The following ZFAND3 variants were observed in gnomAD, a reference collection of about 807,000 sequenced individuals.
ZFAND3 encodes the protein AN1-type zinc finger protein 3.
Under a neutral mutation model 29.6 loss-of-function variants are expected in ZFAND3, and 10 were observed. The ratio of observed to expected loss-of-function variants is 0.34; its 90% CI spans 0.21 to 0.57. The LOEUF (loss-of-function observed/expected upper bound fraction) is 0.57, where lower values mean the gene tolerates loss of function less well. ZFAND3 is among the 20% of genes least tolerant of loss of function. The probability of loss-of-function intolerance (pLI) is 0.86; values close to 1 mark genes in which losing one functional copy is unlikely to be tolerated. For missense variants in ZFAND3, 230 were observed against 304.5 expected, an observed-to-expected ratio of 0.76 and a Z score of 1.82; for synonymous variants, 128 against 112.6, an observed-to-expected ratio of 1.14 and a Z score of -0.87.
chr6:38,154,176 C>G lies in ZFAND3; in HGVS notation c.*1787C>G. On this transcript the variant is annotated 3_prime_UTR_variant, in exon 6 of 6. Transcript: ENST00000287218. Reference sequence around the variant, plus strand: ...CAAGCCACAGCCCTTGGCCACCATACGGGCCATCCTCAGTGAGGCAGCCCC... The same window carrying G: ...CAAGCCACAGCCCTTGGCCACCATAGGGGCCATCCTCAGTGAGGCAGCCCC... The G allele has an allele frequency of 1.0e-6, 1 of 985,636 alleles. No individual in the cohort carries two copies. Among genetic ancestry groups the G allele is most frequent in the Non-Finnish European group, 1.2e-6 (1 of 830,046 alleles). The allele number at this position is 985,636 out of a possible 1,614,324, so 61.1% of individuals were successfully genotyped here.
chr6:38,146,906 A>G (rs56050761), intron 5 of ZFAND3, among the ~76,000 whole-genome samples: 10,112 of 152,008 alleles, frequency 0.067, 458 homozygotes, highest in Middle Eastern at 0.11. Context: ...ATGGGAATGT[A>G]TGTATGTGAA....
chr6:37,974,400 CTCTTT>C (rs1438831653), intron 2 of ZFAND3, among the ~76,000 whole-genome samples: 23 of 99,774 alleles, frequency 2.3e-4, no homozygotes, highest in South Asian at 4.1e-4. Flanking sequence ...CTCTCTCTCT[CTCTTT>C]TTTTTTTTTT....
rs1554183989 is a variant in ZFAND3 at position 38,144,210 on chromosome 6, TA to T, written c.530-8023del. Among the ~76,000 whole-genome samples the T allele has an allele frequency of 8.4e-3, 310 of 36,920 alleles. 8 individuals carry two copies. The highest frequency in any genetic ancestry group is 0.035 in the East Asian group (84 of 2,376). The allele number at this position is 36,920 out of a possible 152,430, so 24.2% of individuals were successfully genotyped here. A position where few individuals can be genotyped will look rare whatever the true frequency, so the allele number is the denominator to read the frequency against. ...ATATATATATATATATATATATATATAATATATAATATATATATATATTTTT... is the reference window on the plus strand; with the variant it reads ...ATATATATATATATATATATATATATATATATAATATATATATATATTTTT... On this transcript the variant is annotated intron_variant, in intron 5 of 5. Transcript: ENST00000287218.
intron 1 of ZFAND3, among the ~76,000 whole-genome samples, chr6:37,820,300 G>A (rs1178464139): frequency 1.3e-5 from 2 of 152,186 alleles, no homozygotes; most frequent in African/African-American, 2.4e-5. Context: ...GGGGGGCAGG[G>A]CGGCGGGGAG....
At chr6:37,963,462 G>A (rs559596835) in intron 2 of ZFAND3, among the ~76,000 whole-genome samples, 1 of 152,098 alleles carries the variant, frequency 6.6e-6, no homozygotes, top group South Asian at 2.1e-4. Flanking sequence ...CCCAAAATTA[G>A]TAGAAGAAAA....
intron 2 of ZFAND3, among the ~76,000 whole-genome samples, chr6:38,030,057 TA>T (rs757904421): frequency 2.4e-4 from 5 of 20,902 alleles, no homozygotes; most frequent in East Asian, 6.9e-3. Flanking sequence ...GCTGGATATA[TA>T]TATATATATA....
intron 2 of ZFAND3, among the ~76,000 whole-genome samples, chr6:37,957,012 GA>G (rs766724068): frequency 1.3e-5 from 2 of 151,772 alleles, no homozygotes; most frequent in Non-Finnish European, 2.9e-5. Context: ...GGGATATTGT[GA>G]AAAAAAATGT....
intron 4 of ZFAND3, among the ~76,000 whole-genome samples, chr6:38,105,297 C>T (rs1765185825): frequency 1.3e-5 from 2 of 152,138 alleles, no homozygotes; most frequent in African/African-American, 2.4e-5. Flanking sequence ...ATCCCAGCTA[C>T]TCCAGAAGCT....
intron 2 of ZFAND3, among the ~76,000 whole-genome samples, chr6:37,991,229 A>G (rs1762753424): frequency 6.6e-6 from 1 of 151,806 alleles, no homozygotes; most frequent in African/African-American, 2.4e-5. Context: ...TTGGACAGGC[A>G]TTTTCCCTCT....
intron 2 of ZFAND3, among the ~76,000 whole-genome samples, chr6:38,038,909 T>G (rs958287646): frequency 6.6e-6 from 1 of 152,216 alleles, no homozygotes; most frequent in African/African-American, 2.4e-5. Context: ...CCTGGTTCAT[T>G]TGAAGCTCAA....
At chr6:37,991,255 C>G (rs1268372542) in intron 2 of ZFAND3, among the ~76,000 whole-genome samples, 2 of 151,834 alleles carry the variant, frequency 1.3e-5, no homozygotes, top group African/African-American at 4.8e-5. Context: ...TCTGTGGAGA[C>G]TGTTGTGAAG....
At chr6:38,036,683 A>G (rs528126380) in intron 2 of ZFAND3, among the ~76,000 whole-genome samples, 2 of 152,240 alleles carry the variant, frequency 1.3e-5, no homozygotes, top group Non-Finnish European at 2.9e-5. Context: ...AATAATCCAC[A>G]TAGAAATAGA....
chr6:38,031,792 T>C (rs1401880880), intron 2 of ZFAND3, among the ~76,000 whole-genome samples: 1 of 152,162 alleles, frequency 6.6e-6, no homozygotes, highest in Non-Finnish European at 1.5e-5. Context: ...TCCTTTGTTA[T>C]GCATATGTAG....
At chr6:37,842,086 A>G (rs1764088408) in intron 1 of ZFAND3, among the ~76,000 whole-genome samples, 1 of 152,122 alleles carries the variant, frequency 6.6e-6, no homozygotes, top group Non-Finnish European at 1.5e-5. Flanking sequence ...TAAAGGTACT[A>G]ATTCCATTGA....
intron 4 of ZFAND3, among the ~76,000 whole-genome samples, chr6:38,087,465 A>AT (rs1183826907): frequency 6.6e-6 from 1 of 152,190 alleles, no homozygotes; most frequent in African/African-American, 2.4e-5. Context: ...TAACCAGAAT[A>AT]TTTAAGGAGC....
At chr6:37,940,543 ATT>A (rs559210898) in intron 2 of ZFAND3, among the ~76,000 whole-genome samples, 1 of 150,060 alleles carries the variant, frequency 6.7e-6, no homozygotes, top group African/African-American at 2.4e-5. Context: ...AGTCTTAACT[ATT>A]TTTTTTTTAA....
chr6:38,093,585 A>G (rs1387227011), intron 4 of ZFAND3, among the ~76,000 whole-genome samples: 1 of 152,220 alleles, frequency 6.6e-6, no homozygotes, highest in East Asian at 1.9e-4. Context: ...AGCTAAAGAA[A>G]GGAGAAAGCT....
rs1229204023 is a variant in ZFAND3, at chr6:38,061,877, A to G, written c.295+102A>G. ...CCCAGAAAAAACAGCACTTCTTTTA[A>G]TTCAAGATAAGTGTCCACATACAAG... On this transcript the variant is annotated intron_variant, in intron 3 of 5. Coordinates refer to ENST00000287218, the MANE Select transcript of ZFAND3 (RefSeq NM_021943.3). 5.1e-6 allele frequency: 7 copies of G among 1,370,478 alleles called. No individual in the cohort carries two copies. In the Admixed American group the frequency reaches 7.5e-5, roughly 15 times the overall value. The allele number at this position is 1,370,478 out of a possible 1,614,324, so 84.9% of individuals were successfully genotyped here.
Position 38,061,754 on chromosome 6 carries a change from A to G in ZFAND3, c.274A>G (p.Thr92Ala). ...QQPLPTELNV[T>A]SPSKEECGPC... ...GCCGCTTCCGACAGAACTGAATGTA[A>G]CTTCACCGAGTAAAGAGGAGTGTAA... is the stretch of plus-strand genomic sequence containing the variant. Residue 92 changes from threonine (T) to alanine (A), a missense_variant, in exon 3 of 6, where the codon ACT (threonine) becomes GCT (alanine). By Grantham distance (58) the Thr-to-Ala change is moderately conservative (BLOSUM62 0). Transcript: ENST00000287218. The G allele has an allele frequency of 6.2e-7, 1 of 1,614,120 alleles. No individual in the cohort carries two copies.
Sources: allele counts gnomAD v4.1 joint callset (sites outside exome capture counted in the v4.1 genomes callset), GRCh38; gene constraint gnomAD v4.1.1; transcripts MANE v1.5; gene names NCBI Gene and HGNC (gene_info 2026-07-23, HGNC 2026-07-21).